The following FBXO10 variants were observed in gnomAD, a reference collection of about 807,000 sequenced individuals.
The protein encoded by FBXO10 is F-box protein 10.
A neutral mutation model predicts 80.7 loss-of-function variants in FBXO10; 39 were observed. That is an observed-to-expected ratio of 0.48 (90% CI 0.37 to 0.63). FBXO10 has a LOEUF of 0.63. FBXO10 is among the 30% of genes least tolerant of loss of function. FBXO10 has a pLI of 0.00. For missense variants in FBXO10, 1,025 were observed against 1,269.0 expected (o/e 0.81, Z 2.92); for synonymous variants, 449 against 489.6 (o/e 0.92, Z 1.09).
At chr9:37,542,344 C>T (rs889836853) in intron 1 of FBXO10, among the ~76,000 whole-genome samples, 2 of 151,892 alleles carry the variant, frequency 1.3e-5, no homozygotes, top group Non-Finnish European at 2.9e-5. Context: ...GCCTGTAATC[C>T]CAGCACTTTG....
chr9:37,555,553 G>A (rs1412029883), intron 1 of FBXO10, among the ~76,000 whole-genome samples: 1 of 151,872 alleles, frequency 6.6e-6, no homozygotes, highest in African/African-American at 2.4e-5. Context: ...GCTAATTTTT[G>A]TATTTTTAGT....
intron 1 of FBXO10, among the ~76,000 whole-genome samples, chr9:37,564,306 A>T (rs185572496): frequency 7.2e-5 from 11 of 152,356 alleles, no homozygotes; most frequent in Non-Finnish European, 1.5e-4. Flanking sequence ...GCAGGGGTGG[A>T]GCCCTCATGG....
chr9:37,530,403 T>A (rs1190287019), intron 4 of FBXO10, among the ~76,000 whole-genome samples: 1 of 152,152 alleles, frequency 6.6e-6, no homozygotes, highest in African/African-American at 2.4e-5. Context: ...AGCATTTCCA[T>A]CCCTACACCC....
intron 7 of FBXO10, chr9:37,522,044 C>T (rs935869040): frequency 1.3e-5 from 8 of 604,588 alleles, no homozygotes; most frequent in Non-Finnish European, 2.2e-5. Flanking sequence ...CTCACAAGCT[C>T]GGCTCGTTCC....
At chr9:37,536,964 C>A in intron 3 of FBXO10, 146 bp downstream of exon 3, 1 of 632,432 alleles carries the variant, frequency 1.6e-6, no homozygotes, top group South Asian at 2.5e-5. Context: ...CGTTTCTGTC[C>A]TTTCCAAATC....
chr9:37,520,309 C>T (rs1173768685), intron 8 of FBXO10, among the ~76,000 whole-genome samples: 1 of 142,994 alleles, frequency 7.0e-6, no homozygotes, highest in Non-Finnish European at 1.5e-5. Flanking sequence ...ACATCTTCTA[C>T]CATCTTTTTT....
At chr9:37,515,241 C>T in intron 10 of FBXO10, 1 of 152,446 alleles carries the variant, frequency 6.6e-6, no homozygotes, top group Non-Finnish European at 1.5e-5. Context: ...CTGTGCATTG[C>T]AGTAACACAG....
intron 4 of FBXO10, 100 bp downstream of exon 4, chr9:37,531,809 G>A: frequency 7.4e-7 from 1 of 1,351,356 alleles, no homozygotes; most frequent in East Asian, 2.4e-5. Context: ...CTGCAAACAG[G>A]AAGCACGTAA....
intron 10 of FBXO10, among the ~76,000 whole-genome samples, chr9:37,513,558 GT>G (rs984814977): frequency 6.6e-5 from 10 of 151,256 alleles, no homozygotes; most frequent in African/African-American, 2.2e-4. Context: ...GGATTTCTGG[GT>G]TTTTTTTGTT....
intron 1 of FBXO10, among the ~76,000 whole-genome samples, chr9:37,556,533 ATTTTTTTTTTTTTTT>A (rs60829486): frequency 1.3e-5 from 1 of 75,102 alleles, no homozygotes; most frequent in Non-Finnish European, 2.4e-5. Flanking sequence ...TTTGTTCTGG[ATTTTTTTTTTTTTTT>A]TTTTTTTTTT....
intron 5 of FBXO10, among the ~76,000 whole-genome samples, chr9:37,528,515 C>CG (rs1179236377): frequency 2.0e-5 from 3 of 152,190 alleles, no homozygotes; most frequent in African/African-American, 7.2e-5. Flanking sequence ...GAGTCCAAGT[C>CG]TTACCCATAT....
intron 1 of FBXO10, among the ~76,000 whole-genome samples, chr9:37,552,705 A>T (rs978593900): frequency 6.6e-6 from 1 of 151,954 alleles, no homozygotes; most frequent in African/African-American, 2.4e-5. Flanking sequence ...AAAAAAAAAA[A>T]AAAAAAAGAA....
chr9:37,534,721 C>A lies in FBXO10; in HGVS notation c.1419+2389G>T, dbSNP rs530321949. Among the ~76,000 whole-genome samples the A allele has an allele frequency of 2.6e-5, 4 of 152,280 alleles. No homozygotes were observed. In the South Asian group the frequency reaches 8.3e-4, roughly 32 times the overall value. ...GGAGACAGCACCCTCCTGACGCAGG[C>A]TGGGGACAAAAGTGAGAGAGGCATT... On this transcript the variant is annotated intron_variant, in intron 3 of 10. Coordinates refer to ENST00000432825, the MANE Select transcript of FBXO10 (RefSeq NM_012166.3).
chr9:37,532,690 T>C (rs1821660358), intron 3 of FBXO10, among the ~76,000 whole-genome samples: 1 of 152,166 alleles, frequency 6.6e-6, no homozygotes, highest in Admixed American at 6.5e-5. Context: ...CTTGGCCCTG[T>C]GCTCTATATT....
At chr9:37,523,624 A>T (rs1372514422) in intron 6 of FBXO10, among the ~76,000 whole-genome samples, 1 of 152,172 alleles carries the variant, frequency 6.6e-6, no homozygotes, top group East Asian at 1.9e-4. Context: ...ACAAAAAGGA[A>T]ACAAAACAAA....
chr9:37,517,141 A>G (rs563049596), intron 9 of FBXO10, among the ~76,000 whole-genome samples: 118 of 152,262 alleles, frequency 7.7e-4, no homozygotes, highest in African/African-American at 2.6e-3. Context: ...CTCACTACTT[A>G]TAAGTGGGAG....
At chr9:37,523,558 AAAG>A (rs1246001183) in intron 6 of FBXO10, among the ~76,000 whole-genome samples, 2 of 152,130 alleles carry the variant, frequency 1.3e-5, no homozygotes, top group Admixed American at 1.3e-4. Flanking sequence ...GCCTCAAAAA[AAAG>A]AATAAACTAG....
chr9:37,553,936 A>AAAAAAAAAAAG (rs1554648219), intron 1 of FBXO10, among the ~76,000 whole-genome samples: 1 of 148,888 alleles, frequency 6.7e-6, no homozygotes, highest in African/African-American at 2.6e-5. Context: ...AAAAAAAAAA[A>AAAAAAAAAAAG]AAAGAAAGAA....
At chr9:37,531,853 A>G (rs1321414221) in intron 4 of FBXO10, 56 bp downstream of exon 4, 11 of 1,597,142 alleles carry the variant, frequency 6.9e-6, no homozygotes, top group African/African-American at 1.3e-5. Context: ...AAATATCCTC[A>G]CAAATGGTTT....
Sources: allele counts gnomAD v4.1 joint callset (sites outside exome capture counted in the v4.1 genomes callset), GRCh38; gene constraint gnomAD v4.1.1; transcripts MANE v1.5; gene names NCBI Gene and HGNC (gene_info 2026-07-23, HGNC 2026-07-21).